The following KCNK3 variants were observed in gnomAD, a reference collection of about 807,000 sequenced individuals.
The protein encoded by KCNK3 is potassium channel subfamily K member 3.
A neutral mutation model predicts 27.3 loss-of-function variants in KCNK3; 9 were observed. That is an observed-to-expected ratio of 0.33 (90% CI 0.20 to 0.57). KCNK3 has a LOEUF of 0.57. KCNK3 is among the 20% of genes least tolerant of loss of function. The probability of loss-of-function intolerance (pLI) is 0.87; values close to 1 mark genes in which losing one functional copy is unlikely to be tolerated. For synonymous variants in KCNK3, 278 were observed against 273.8 expected (o/e 1.02, Z -0.15); for missense variants, 391 against 577.7 (o/e 0.68, Z 3.31).
chr2:26,724,815 C>T (rs535660692), intron 1 of KCNK3, among the ~76,000 whole-genome samples: 30 of 152,172 alleles, frequency 2.0e-4, no homozygotes, highest in Admixed American at 5.9e-4. Flanking sequence ...GAAGCTGGGT[C>T]CTGAGGAGCT....
chr2:26,718,519 C>T (rs951492685), intron 1 of KCNK3, among the ~76,000 whole-genome samples: 4 of 152,136 alleles, frequency 2.6e-5, no homozygotes, highest in African/African-American at 7.2e-5. Context: ...AAATTAATCA[C>T]GAGCCCATTA....
chr2:26,712,817 C>T (rs1663149527), intron 1 of KCNK3, among the ~76,000 whole-genome samples: 1 of 151,982 alleles, frequency 6.6e-6, no homozygotes, highest in South Asian at 2.1e-4. Context: ...TGCCTGGAGT[C>T]CCTCTCTTCC....
At chr2:26,724,916 T>C (rs907842845) in intron 1 of KCNK3, among the ~76,000 whole-genome samples, 1 of 150,512 alleles carries the variant, frequency 6.6e-6, no homozygotes, top group African/African-American at 2.4e-5. Flanking sequence ...CTTGGCTGGG[T>C]GTGGGCTAAG....
At chr2:26,701,402 G>T (rs1670306238) in intron 1 of KCNK3, among the ~76,000 whole-genome samples, 1 of 152,160 alleles carries the variant, frequency 6.6e-6, no homozygotes, top group South Asian at 2.1e-4. Context: ...GGAAAGGGAG[G>T]AGAGAAGTGG....
At chr2:26,713,125 C>T (rs545216518) in intron 1 of KCNK3, among the ~76,000 whole-genome samples, 25 of 152,270 alleles carry the variant, frequency 1.6e-4, no homozygotes, top group Admixed American at 1.4e-3. Flanking sequence ...GCCATCTCCA[C>T]GCAAAACCTA....
chr2:26,722,135 T>C (rs1663339620), intron 1 of KCNK3, among the ~76,000 whole-genome samples: 1 of 152,232 alleles, frequency 6.6e-6, no homozygotes, highest in Non-Finnish European at 1.5e-5. Flanking sequence ...TGATCGACCT[T>C]GCACATGAAC....
rs1198701708 is a variant in KCNK3 at position 26,733,392 on chromosome 2, A to G, written c.*4824A>G. ...GAGCTTCGCAAGGCATCTTAGCTTA[A>G]TAAAGGTTATGAAAAGTCTTGCAGC... On this transcript the variant is annotated 3_prime_UTR_variant, in exon 2 of 2. Coordinates refer to ENST00000302909, the MANE Select transcript of KCNK3 (RefSeq NM_002246.3). The G allele has an allele frequency of 6.6e-6, 1 of 152,240 alleles. No homozygotes were observed. The highest frequency in any genetic ancestry group is 1.5e-5 in the Non-Finnish European group (1 of 68,042). 9.4% of individuals were successfully genotyped at this position (152,240 alleles called of 1,614,324 possible). A position where few individuals can be genotyped will look rare whatever the true frequency, so the allele number is the denominator to read the frequency against.
Position 26,706,298 on chromosome 2 carries a change from C to G in KCNK3, c.283+13140C>G, listed in dbSNP as rs537773957. ...CAGAGAAGGTCGTTTCCCCTCCCCC[C>G]CAGAGGAGGAGCTGGAGAGGGCCTC... is the stretch of plus-strand genomic sequence containing the variant. On this transcript the variant is annotated intron_variant, in intron 1 of 1. Coordinates refer to ENST00000302909, the MANE Select transcript of KCNK3 (RefSeq NM_002246.3). 2.5e-4 allele frequency among the ~76,000 whole-genome samples: 38 copies of G among 152,244 alleles called. No individual in the cohort carries two copies. In the East Asian group the frequency reaches 6.6e-3, roughly 26 times the overall value.
intron 1 of KCNK3, among the ~76,000 whole-genome samples, chr2:26,704,165 G>C (rs982406568): frequency 1.3e-5 from 2 of 152,076 alleles, no homozygotes; most frequent in African/African-American, 4.8e-5. Context: ...TCAGCCCCCA[G>C]GGAGTTTTTG....
At chr2:26,713,777 CA>C (rs111240045) in intron 1 of KCNK3, among the ~76,000 whole-genome samples, 3,851 of 95,542 alleles carry the variant, frequency 0.04, 122 homozygotes, top group African/African-American at 0.12. Context: ...GAATCCATCT[CA>C]AAAAAAAAAA....
chr2:26,701,945 A>G (rs1670312973), intron 1 of KCNK3, among the ~76,000 whole-genome samples: 1 of 152,148 alleles, frequency 6.6e-6, no homozygotes, highest in African/African-American at 2.4e-5. Flanking sequence ...GTCTCAATCA[A>G]TCAATCAATA....
intron 1 of KCNK3, among the ~76,000 whole-genome samples, chr2:26,715,568 G>A (rs1231038036): frequency 1.3e-5 from 2 of 152,256 alleles, no homozygotes; most frequent in African/African-American, 4.8e-5. Context: ...GTGGCAGGGA[G>A]TAGAGGAGAA....
At position 26,692,828 on chromosome 2, in the gene KCNK3, G is replaced by A. The variant is rs1670186228; in HGVS notation, c.-48G>A. 2 of 1,074,360 alleles carry A rather than the reference G, an allele frequency of 1.9e-6. No homozygotes were observed. 66.6% of individuals were successfully genotyped at this position (1,074,360 alleles called of 1,614,324 possible). On this transcript the variant is annotated 5_prime_UTR_variant, in exon 1 of 2. Coordinates refer to ENST00000302909, the MANE Select transcript of KCNK3 (RefSeq NM_002246.3). The surrounding 1 kb of genome is among the most constrained non-coding windows in gnomAD (Gnocchi z 5.6). ...CAGCAGCAGCGGCGGCCGGGGCCGA[G>A]GCGCGGGCCGGGGGCGCCGGGGGGC...
intron 1 of KCNK3, among the ~76,000 whole-genome samples, chr2:26,698,406 C>T (rs1218029253): frequency 2.0e-5 from 3 of 152,216 alleles, no homozygotes; most frequent in Non-Finnish European, 4.4e-5. Flanking sequence ...GCTGTATGTC[C>T]TTGGACACAT....
At chr2:26,711,183 A>G (rs75794862) in intron 1 of KCNK3, among the ~76,000 whole-genome samples, 1 of 152,154 alleles carries the variant, frequency 6.6e-6, no homozygotes, top group Non-Finnish European at 1.5e-5. Flanking sequence ...CATGAAGCTG[A>G]TACACATGTT....
At chr2:26,704,651 G>A (rs1670349893) in intron 1 of KCNK3, among the ~76,000 whole-genome samples, 1 of 152,236 alleles carries the variant, frequency 6.6e-6, no homozygotes, top group Admixed American at 6.5e-5. Context: ...ACAGGGGCAG[G>A]CCCGCTCCTC....
At chr2:26,710,956 G>A (rs1260504223) in intron 1 of KCNK3, among the ~76,000 whole-genome samples, 2 of 152,176 alleles carry the variant, frequency 1.3e-5, no homozygotes, top group African/African-American at 2.4e-5. Context: ...GTGGCTGGCC[G>A]GCTGCCCTTC....
At chr2:26,697,231 G>C (rs907393362) in intron 1 of KCNK3, among the ~76,000 whole-genome samples, 3 of 152,174 alleles carry the variant, frequency 2.0e-5, no homozygotes, top group Admixed American at 6.5e-5. Flanking sequence ...GGGTGCAGTG[G>C]CTGACACCGG....
chr2:26,707,391 C>G (rs1354166290), intron 1 of KCNK3, among the ~76,000 whole-genome samples: 1 of 152,222 alleles, frequency 6.6e-6, no homozygotes, highest in Non-Finnish European at 1.5e-5. Context: ...CCCCAGCTGG[C>G]CCAGGATGTG....
Sources: gnomAD v4.1 joint callset for allele counts (sites outside exome capture counted in the v4.1 genomes callset) on GRCh38, gnomAD v4.1.1 for gene constraint, Gnocchi (gnomAD v3.1) non-coding constraint, MANE v1.5 for transcripts, NCBI Gene and HGNC (gene_info 2026-07-23, HGNC 2026-07-21) for gene names.